ZDHHC13: variants seen among roughly 807,000 people sequenced by gnomAD.
ZDHHC13 encodes the protein palmitoyltransferase ZDHHC13.
ZDHHC13 carries 85 observed loss-of-function variants against 86.0 expected under a neutral mutation model. The ratio of observed to expected loss-of-function variants is 0.99; its 90% confidence interval spans 0.83 to 1.18. The LOEUF (loss-of-function observed/expected upper bound fraction) is 1.18, where lower values mean the gene tolerates loss of function less well. ZDHHC13 is among the 50% of genes most tolerant of loss of function. The probability of loss-of-function intolerance (pLI) is 0.00; values close to 1 mark genes in which losing one functional copy is unlikely to be tolerated. For missense variants in ZDHHC13, 711 were observed against 730.2 expected, an observed-to-expected ratio of 0.97 and a Z score of 0.30; for synonymous variants, 263 against 246.4, an observed-to-expected ratio of 1.07 and a Z score of -0.63.
intron 6 of ZDHHC13, 150 bp from the exon 7 acceptor site, chr11:19,152,008 A>G: frequency 1.4e-6 from 1 of 718,830 alleles, no homozygotes; most frequent in African/African-American, 1.8e-5. Flanking sequence ...AGTACCTAGA[A>G]TAGAACTCAG....
rs765050131 is a variant in ZDHHC13 at position 19,152,187 on chromosome 11, T to C, written c.614T>C (p.Phe205Ser). Residue 205 changes from phenylalanine (F) to serine (S), a missense_variant, in exon 7 of 17, where the codon TTT (phenylalanine) becomes TCT (serine). Physicochemically the swap from Phe to Ser is radical, Grantham distance 155 (BLOSUM62 -2). Transcript: ENST00000446113. ...GPEPTGFLLK[F>S]NPSLNVVDKI... ...GAACCAACTGGATTTCTTTTAAAGT[T>C]TAATCCTTCTCTCAATGTGGTTGAT... 20 of 1,613,130 alleles carry C rather than the reference T, an allele frequency of 1.2e-5. No individual in the cohort carries two copies. In the South Asian group the frequency reaches 2.2e-4, roughly 18 times the overall value.
At chr11:19,129,027 C>T (rs1405118043) in intron 1 of ZDHHC13, among the ~76,000 whole-genome samples, 1 of 152,152 alleles carries the variant, frequency 6.6e-6, no homozygotes, top group East Asian at 1.9e-4. Context: ...CAGAATATAT[C>T]CTCATTGTTA....
chr11:19,169,581 C>G lies in ZDHHC13; in HGVS notation c.1475-830C>G, dbSNP rs140361067. 5.1e-6 allele frequency: 5 copies of G among 985,394 alleles called. No individual in the cohort carries two copies. In the African/African-American group the frequency reaches 5.2e-5, roughly 10 times the overall value. 61.0% of individuals were successfully genotyped at this position (985,394 alleles called of 1,614,324 possible). On this transcript the variant is annotated intron_variant, in intron 14 of 16. Transcript: ENST00000446113. ...ATTTATGAAACCTCAAGGTGCAAAT[C>G]GACAGAATTATCTTTTAAAAATAAT...
At chr11:19,158,584 TAA>T (rs1849821338) in intron 9 of ZDHHC13, among the ~76,000 whole-genome samples, 7 of 152,168 alleles carry the variant, frequency 4.6e-5, no homozygotes, top group Non-Finnish European at 1.5e-5. Flanking sequence ...ATAGTGTATT[TAA>T]AAATATATGC....
At chr11:19,152,814 C>T in intron 8 of ZDHHC13, 130 bp downstream of exon 8, 2 of 1,396,380 alleles carry the variant, frequency 1.4e-6, no homozygotes, top group Non-Finnish European at 2.0e-6. Flanking sequence ...CTATATCTTT[C>T]CCCCGCATCC....
chr11:19,128,190 G>A (rs959363064), intron 1 of ZDHHC13, among the ~76,000 whole-genome samples: 1 of 152,070 alleles, frequency 6.6e-6, no homozygotes, highest in African/African-American at 2.4e-5. Context: ...TGTATTCCTA[G>A]GTGTTTTATT....
intron 9 of ZDHHC13, among the ~76,000 whole-genome samples, chr11:19,156,529 C>A (rs1849759748): frequency 6.6e-6 from 1 of 152,124 alleles, no homozygotes; most frequent in Non-Finnish European, 1.5e-5. Context: ...TGTGATAATG[C>A]CTGCCTCATG....
Position 19,164,439 on chromosome 11 carries a change from G to C in ZDHHC13, c.1296+76G>C, listed in dbSNP as rs1293227669. On this transcript the variant is annotated intron_variant, in intron 12 of 16. Coordinates refer to ENST00000446113, the MANE Select transcript of ZDHHC13 (RefSeq NM_019028.3). The stretch of plus-strand genomic sequence containing the variant: ...ACGTTGCTGATGTAAGCATTTGTCA[G>C]ATCTTCATGGTATATTTATACACCT... 7 of 1,361,258 alleles carry C rather than the reference G, an allele frequency of 5.1e-6. No homozygotes were observed. The East Asian group carries it at 1.7e-4, about 32-fold the overall frequency. The allele number at this position is 1,361,258 out of a possible 1,614,324, so 84.3% of individuals were successfully genotyped here.
intron 8 of ZDHHC13, among the ~76,000 whole-genome samples, chr11:19,153,879 C>T (rs1341059547): frequency 6.6e-6 from 1 of 151,382 alleles, no homozygotes; most frequent in African/African-American, 2.4e-5. Context: ...TTTGTCATAC[C>T]ACATATGCAG....
Position 19,149,336 on chromosome 11 carries a change from G to A in ZDHHC13, c.519+5G>A, listed in dbSNP as rs2133422118. ...TATCTCATCTCAAAGGGACAGGTATGTTCTGAAATGTGTCTTATACTCCAG... is the reference window on the plus strand; with the variant it reads ...TATCTCATCTCAAAGGGACAGGTATATTCTGAAATGTGTCTTATACTCCAG... On this transcript the variant is annotated splice_donor_5th_base_variant and intron_variant, in intron 5 of 16. Transcript: ENST00000446113. 3 of 1,574,252 alleles carry A rather than the reference G, an allele frequency of 1.9e-6. No individual in the cohort carries two copies. The highest frequency in any genetic ancestry group is 2.7e-5 in the African/African-American group (2 of 74,256).
intron 16 of ZDHHC13, among the ~76,000 whole-genome samples, chr11:19,175,157 G>A (rs147092715): frequency 0.015 from 2,212 of 152,020 alleles, 54 homozygotes; most frequent in African/African-American, 0.051. Context: ...GGGAGGCTGA[G>A]GTGGGCGGAT....
chr11:19,153,035 A>T (rs1487778743), intron 8 of ZDHHC13, among the ~76,000 whole-genome samples: 1 of 152,216 alleles, frequency 6.6e-6, no homozygotes, highest in East Asian at 1.9e-4. Context: ...GCTTGTAGGA[A>T]TAGTTTATTC....
At chr11:19,157,937 AACCTGAC>A (rs1197327847) in intron 9 of ZDHHC13, among the ~76,000 whole-genome samples, 1 of 152,172 alleles carries the variant, frequency 6.6e-6, no homozygotes, top group African/African-American at 2.4e-5. Flanking sequence ...CTGGGCTGTT[AACCTGAC>A]ACCTGTCAGG....
chr11:19,141,063 G>T lies in ZDHHC13; in HGVS notation c.28-1915G>T, dbSNP rs186752337. 6.7e-3 allele frequency among the ~76,000 whole-genome samples: 1,003 copies of T among 150,396 alleles called. 8 individuals carry two copies. Among genetic ancestry groups the T allele is most frequent in the African/African-American group, 0.023 (944 of 40,934 alleles). ...ACATGTACCCTAAAACTTTAAAGTA[G>T]TATAATAATAAAAAAAAAAAAGAAA... On this transcript the variant is annotated intron_variant, in intron 1 of 16. Coordinates refer to ENST00000446113, the MANE Select transcript of ZDHHC13 (RefSeq NM_019028.3).
chr11:19,123,146 A>T (rs937133826), intron 1 of ZDHHC13, among the ~76,000 whole-genome samples: 2 of 152,254 alleles, frequency 1.3e-5, no homozygotes. Context: ...ATAAATACAC[A>T]GTAATTAATT....
chr11:19,176,057 C>T lies in ZDHHC13; in HGVS notation c.*97C>T, dbSNP rs1590099238. ...GTAAAGATTTAGAATTCACCTAAGT[C>T]CAAAGGAAAACACGTGGTTTTTAAA... On this transcript the variant is annotated 3_prime_UTR_variant, in exon 17 of 17. Transcript: ENST00000446113. 6 of 1,367,310 alleles carry T rather than the reference C, an allele frequency of 4.4e-6. No homozygotes were observed. The East Asian group carries it at 1.6e-4, about 36-fold the overall frequency. The allele number at this position is 1,367,310 out of a possible 1,614,324, so 84.7% of individuals were successfully genotyped here. A position where few individuals can be genotyped will look rare whatever the true frequency, so the allele number is the denominator to read the frequency against.
chr11:19,125,167 T>A (rs1174898394), intron 1 of ZDHHC13, among the ~76,000 whole-genome samples: 1 of 152,160 alleles, frequency 6.6e-6, no homozygotes, highest in African/African-American at 2.4e-5. Flanking sequence ...AACAGACTTT[T>A]AAGAGATGGG....
chr11:19,164,836 G>A (rs1196597697), intron 12 of ZDHHC13: 2 of 546,374 alleles, frequency 3.7e-6, no homozygotes, highest in South Asian at 2.2e-5. Flanking sequence ...AGTGTGAACA[G>A]GCTCTGGAAT....
chr11:19,171,727 T>C (rs534654052), intron 15 of ZDHHC13, among the ~76,000 whole-genome samples: 1 of 152,334 alleles, frequency 6.6e-6, no homozygotes, highest in East Asian at 1.9e-4. Context: ...TACAAGTATA[T>C]GAGATGATAA....
Sources: allele counts gnomAD v4.1 joint callset (sites outside exome capture counted in the v4.1 genomes callset), GRCh38; gene constraint gnomAD v4.1.1; transcripts MANE v1.5; gene names NCBI Gene and HGNC (gene_info 2026-07-23, HGNC 2026-07-21).